CAPSL: variants seen among roughly 807,000 people sequenced by gnomAD.
The protein encoded by CAPSL is calcyphosin-like protein.
Under a neutral mutation model 21.3 loss-of-function variants are expected in CAPSL, and 17 were observed. The observed-to-expected ratio is 0.80, with a 90% CI of 0.55 to 1.20. CAPSL has a LOEUF of 1.20. CAPSL is among the 50% of genes most tolerant of loss of function. The pLI, the probability that CAPSL is intolerant of heterozygous loss-of-function variation, is 0.00. For synonymous variants in CAPSL, 102 were observed against 89.3 expected, an observed-to-expected ratio of 1.14 and a Z score of -0.80; for missense variants, 289 against 259.3, an observed-to-expected ratio of 1.11 and a Z score of -0.79.
intron 2 of CAPSL, among the ~76,000 whole-genome samples, chr5:35,919,713 C>T (rs1189992003): frequency 6.6e-6 from 1 of 152,122 alleles, no homozygotes; most frequent in Non-Finnish European, 1.5e-5. Flanking sequence ...AGAGGGGCAG[C>T]TTCCACTTGA....
intron 2 of CAPSL, among the ~76,000 whole-genome samples, chr5:35,913,376 C>T (rs550195945): frequency 1.2e-4 from 19 of 152,078 alleles, no homozygotes; most frequent in East Asian, 3.9e-4. Context: ...AGATAGTCCT[C>T]GAGAAGAGCA....
Position 35,904,504 on chromosome 5 carries a change from G to T in CAPSL, c.*41C>A. Reference sequence around the variant, plus strand: ...TTGAGCTGACATTTAGTCATTTGGAGCCACATGGCTGTCCCAGGGCCTGGT... The same window carrying T: ...TTGAGCTGACATTTAGTCATTTGGATCCACATGGCTGTCCCAGGGCCTGGT... On this transcript the variant is annotated 3_prime_UTR_variant, in exon 5 of 5. Transcript: ENST00000651391. 1 of 1,395,734 alleles carries T rather than the reference G, an allele frequency of 7.2e-7. No homozygotes were observed. Among genetic ancestry groups the T allele is most frequent in the Non-Finnish European group, 1.0e-6 (1 of 991,026 alleles). 86.5% of individuals were successfully genotyped at this position (1,395,734 alleles called of 1,614,324 possible).
chr5:35,904,441 CATT>C lies in CAPSL; in HGVS notation c.*101_*103del, dbSNP rs1184915939. On this transcript the variant is annotated 3_prime_UTR_variant, in exon 5 of 5. Transcript: ENST00000651391. Reference sequence around the variant, plus strand: ...TGCAATATTTTGACACAGAAAAAAACATTAGGATGAGTGTGAAATCAAATACGA... The same window carrying C: ...TGCAATATTTTGACACAGAAAAAAACAGGATGAGTGTGAAATCAAATACGA... 3.5e-6 allele frequency: 3 copies of C among 854,016 alleles called. No homozygotes were observed. The highest frequency in any genetic ancestry group is 3.5e-5 in the African/African-American group (2 of 57,870). 52.9% of individuals were successfully genotyped at this position (854,016 alleles called of 1,614,324 possible).
intron 2 of CAPSL, among the ~76,000 whole-genome samples, chr5:35,916,802 T>C (rs1282939753): frequency 4.6e-5 from 7 of 152,142 alleles, no homozygotes; most frequent in African/African-American, 9.7e-5. Flanking sequence ...GACATAGGCA[T>C]GGGCAAGGAC....
At chr5:35,916,589 A>G (rs1331516566) in intron 2 of CAPSL, among the ~76,000 whole-genome samples, 4 of 152,194 alleles carry the variant, frequency 2.6e-5, no homozygotes, top group Non-Finnish European at 5.9e-5. Context: ...TCTTTGACAA[A>G]CCTGACAAAA....
At chr5:35,917,148 A>G (rs1738411968) in intron 2 of CAPSL, among the ~76,000 whole-genome samples, 2 of 152,354 alleles carry the variant, frequency 1.3e-5, no homozygotes, top group South Asian at 4.1e-4. Context: ...GAGAAATGCA[A>G]ATCAAAACCA....
At position 35,921,105 on chromosome 5, in the gene CAPSL, G is replaced by A. The variant is rs754628339; in HGVS notation, c.16C>T (p.Arg6Cys). The change falls in exon 2 of 5, where the codon CGC (arginine) becomes TGC (cysteine). Residue 6 changes from arginine (R) to cysteine (C), a missense_variant. Physicochemically the swap from Arg to Cys is radical, Grantham distance 180. Coordinates refer to ENST00000651391, the MANE Select transcript of CAPSL (RefSeq NM_001042625.2). Reference protein sequence around the residue: MAGTARHDREMAIQAK... With the variant: MAGTACHDREMAIQAK... ...TGGATCGCCATCTCTCGGTCATGGCGCGCTGTCCCTGCCATCTGAGGGGAA... is the reference window on the plus strand; with the variant it reads ...TGGATCGCCATCTCTCGGTCATGGCACGCTGTCCCTGCCATCTGAGGGGAA... The A allele has an allele frequency of 5.0e-6, 8 of 1,613,770 alleles. No individual in the cohort carries two copies. The highest frequency in any genetic ancestry group is 1.6e-4 in the Middle Eastern group (1 of 6,080).
chr5:35,906,108 G>A (rs377052746), intron 4 of CAPSL, among the ~76,000 whole-genome samples: 20 of 152,268 alleles, frequency 1.3e-4, no homozygotes, highest in African/African-American at 4.8e-4. Flanking sequence ...GAGACCCTGA[G>A]CCATTTTGAC....
At chr5:35,913,631 A>G (rs1738291792) in intron 2 of CAPSL, among the ~76,000 whole-genome samples, 1 of 152,166 alleles carries the variant, frequency 6.6e-6, no homozygotes, top group African/African-American at 2.4e-5. Context: ...AAGGAGAAAT[A>G]AAAATCCTTT....
chr5:35,932,898 T>C (rs1334328031), intron 1 of CAPSL, among the ~76,000 whole-genome samples: 2 of 152,168 alleles, frequency 1.3e-5, no homozygotes, highest in African/African-American at 4.8e-5. Flanking sequence ...ATGCCCTCAG[T>C]GCAGGCAAAC....
chr5:35,933,767 G>A (rs1738877473), intron 1 of CAPSL, among the ~76,000 whole-genome samples: 1 of 152,180 alleles, frequency 6.6e-6, no homozygotes, highest in Admixed American at 6.5e-5. Context: ...ACAGAGAACT[G>A]TCCTGCTCTC....
intron 2 of CAPSL, among the ~76,000 whole-genome samples, chr5:35,911,701 G>C (rs1197676405): frequency 2.0e-5 from 3 of 152,202 alleles, no homozygotes; most frequent in Non-Finnish European, 4.4e-5. Context: ...ATAATCATGT[G>C]CTGGCATTGG....
chr5:35,923,495 A>C (rs761460467), intron 1 of CAPSL, among the ~76,000 whole-genome samples: 1 of 152,240 alleles, frequency 6.6e-6, no homozygotes, highest in Non-Finnish European at 1.5e-5. Flanking sequence ...GTAGAAACAA[A>C]CCAAATGTCC....
chr5:35,926,949 G>A (rs1738700894), intron 1 of CAPSL, among the ~76,000 whole-genome samples: 1 of 152,200 alleles, frequency 6.6e-6, no homozygotes, highest in Admixed American at 6.5e-5. Flanking sequence ...TAGTCAGCTC[G>A]GATGAACTTA....
intron 2 of CAPSL, among the ~76,000 whole-genome samples, chr5:35,917,090 A>G (rs1383647221): frequency 6.6e-6 from 1 of 152,262 alleles, no homozygotes; most frequent in Non-Finnish European, 1.5e-5. Context: ...GAAGACATTT[A>G]TGCAGCCAAA....
intron 1 of CAPSL, among the ~76,000 whole-genome samples, chr5:35,931,410 G>A (rs1738819645): frequency 6.8e-6 from 1 of 147,516 alleles, no homozygotes; most frequent in Admixed American, 6.9e-5. Context: ...TAATATTCAA[G>A]AACCCATGTA....
intron 2 of CAPSL, among the ~76,000 whole-genome samples, chr5:35,919,168 A>ATTTTATATATATATATATATAT (rs1328263175): frequency 8.8e-6 from 1 of 113,038 alleles, no homozygotes; most frequent in African/African-American, 3.2e-5. Flanking sequence ...ATTAAAAAAA[A>ATTTTATATATATATATATATAT]AAATATATAT....
chr5:35,921,360 T>C (rs1483903867), intron 1 of CAPSL, among the ~76,000 whole-genome samples: 1 of 152,188 alleles, frequency 6.6e-6, no homozygotes, highest in South Asian at 2.1e-4. Context: ...TATCACCATT[T>C]CCCAAGATGT....
intron 1 of CAPSL, among the ~76,000 whole-genome samples, chr5:35,928,310 A>G (rs981244408): frequency 1.3e-5 from 2 of 152,224 alleles, no homozygotes; most frequent in African/African-American, 2.4e-5. Context: ...TGAATTTCAA[A>G]CATTCAAACC....
Sources: allele counts gnomAD v4.1 joint callset (sites outside exome capture counted in the v4.1 genomes callset), GRCh38; gene constraint gnomAD v4.1.1; transcripts MANE v1.5; gene names NCBI Gene and HGNC (gene_info 2026-07-23, HGNC 2026-07-21).